The following TSPAN4 variants were observed in gnomAD, a reference collection of about 807,000 sequenced individuals.
TSPAN4 encodes the protein tetraspanin-4.
TSPAN4 carries 38 observed loss-of-function variants against 31.5 expected under a neutral mutation model. The observed-to-expected ratio is 1.21, with a 90% confidence interval of 0.93 to 1.58. TSPAN4 has a LOEUF of 1.58. TSPAN4 is among the 40% of genes most tolerant of loss of function. The probability of loss-of-function intolerance (pLI) is 0.00; values close to 1 mark genes in which losing one functional copy is unlikely to be tolerated. For synonymous variants in TSPAN4, 186 were observed against 144.6 expected, an observed-to-expected ratio of 1.29 and a Z score of -2.06; for missense variants, 330 against 317.3, an observed-to-expected ratio of 1.04 and a Z score of -0.30.
Position 866,132 on chromosome 11 carries a change from C to T in TSPAN4, c.648+131C>T, listed in dbSNP as rs533989616. 7.9e-5 allele frequency: 77 copies of T among 971,976 alleles called. No homozygotes were observed. The African/African-American group carries it at 9.2e-4, about 12-fold the overall frequency. The allele number at this position is 971,976 out of a possible 1,614,324, so 60.2% of individuals were successfully genotyped here. The stretch of plus-strand genomic sequence containing the variant: ...GGAGGCCGGGGCAAAAGCAGGAGGG[C>T]GAGTTCAGGGGGATGGGCAGGGACG... On this transcript the variant is annotated intron_variant, in intron 8 of 8. Coordinates refer to ENST00000397397, the MANE Select transcript of TSPAN4 (RefSeq NM_003271.5).
At chr11:866,384 AGCCACAGGGGTTGGGT>A (rs1848835271) in intron 8 of TSPAN4, among the ~76,000 whole-genome samples, 162 bp from the exon 9 acceptor site, 1 of 148,390 alleles carries the variant, frequency 6.7e-6, no homozygotes. Flanking sequence ...CTGTGGCTCG[AGCCACAGGGGTTGGGT>A]GGGGCGTGCA....
chr11:862,590 C>T lies in TSPAN4; in HGVS notation c.104C>T (p.Ala35Val), dbSNP rs1316600620. The part of the protein sequence containing the change: ...CGVLGVGIWL[A>V]ATQGSFATLS... ...GTGCTGGGTGTCGGCATCTGGCTGG[C>T]CGCCACACAGGGGAGCTTCGCCACG... is the stretch of plus-strand genomic sequence containing the variant. Residue 35 changes from alanine to valine, a missense_variant, in exon 4 of 9, where the codon GCC (alanine) becomes GTC (valine). Coordinates refer to ENST00000397397, the MANE Select transcript of TSPAN4 (RefSeq NM_003271.5). 6.2e-7 allele frequency: 1 copy of T among 1,611,774 alleles called. No homozygotes were observed. The highest frequency in any genetic ancestry group is 1.7e-5 in the Admixed American group (1 of 59,880).
rs527333211 is a variant in TSPAN4 at position 850,289 on chromosome 11, A to G, written c.-16A>G. 1.8e-5 allele frequency: 29 copies of G among 1,605,898 alleles called. No homozygotes were observed. In the African/African-American group the frequency reaches 2.4e-4, roughly 13 times the overall value. On this transcript the variant is annotated splice_region_variant and 5_prime_UTR_variant, in exon 3 of 9. Transcript: ENST00000397397. ...ACCTCTCCTTCATCTTCCTCCTAGA[A>G]CTGAAGCGCTGCGGCATGGCGCGCG...
rs191935435 is a variant in TSPAN4 at position 852,226 on chromosome 11, C to T, written c.63+1859C>T. 5.1e-4 allele frequency among the ~76,000 whole-genome samples: 78 copies of T among 152,264 alleles called. 1 individual carries two copies. The South Asian group carries it at 0.014, about 27-fold the overall frequency. On this transcript the variant is annotated intron_variant, in intron 3 of 8. Transcript: ENST00000397397. Reference sequence around the variant, plus strand: ...CAACCTTCCATCTCTGGGGTTCAAGCGATTCTCATGCCTCAGCTTCCCGAA... The same window carrying T: ...CAACCTTCCATCTCTGGGGTTCAAGTGATTCTCATGCCTCAGCTTCCCGAA...
chr11:865,550 TG>T lies in TSPAN4; in HGVS notation c.369del (p.Leu123PhefsTer72). 1 of 1,612,452 alleles carries T rather than the reference TG, an allele frequency of 6.2e-7. No homozygotes were observed. The highest frequency in any genetic ancestry group is 8.5e-7 in the Non-Finnish European group (1 of 1,179,866). ...GCCCAGCAAGACCTGAAGAAAGGCT[TG>T]CACCTGTACGGCACGCAGGGCAACG... is the stretch of plus-strand genomic sequence containing the variant. ...RYAQQDLKKGLHLYGTQGNVG... is the reference protein window; with the variant it reads ...RYAQQDLKKGXHLYGTQGNVG... On this transcript the variant is annotated frameshift_variant, in exon 6 of 9. Transcript: ENST00000397397. LOFTEE classifies it high-confidence loss of function.
chr11:852,554 G>T lies in TSPAN4; in HGVS notation c.63+2187G>T, dbSNP rs73403177. On this transcript the variant is annotated intron_variant, in intron 3 of 8. Transcript: ENST00000397397. ...GGTGGGGGCGGGGCAGGGGAAATAAGAATGAGTGGGGGTTTTGCCAGGAGA... is the reference window on the plus strand; with the variant it reads ...GGTGGGGGCGGGGCAGGGGAAATAATAATGAGTGGGGGTTTTGCCAGGAGA... Among the ~76,000 whole-genome samples the T allele has an allele frequency of 7.6e-3, 1,150 of 152,270 alleles. 12 individuals carry two copies. Among genetic ancestry groups the T allele is most frequent in the African/African-American group, 0.026 (1,087 of 41,562 alleles).
chr11:861,698 C>G (rs1162750921), intron 3 of TSPAN4, among the ~76,000 whole-genome samples: 1 of 149,924 alleles, frequency 6.7e-6, no homozygotes, highest in African/African-American at 2.5e-5. Flanking sequence ...GGTGACAGTG[C>G]GAGACTCGGT....
In TSPAN4 at chr11:865,575, C is replaced by A; in HGVS notation, c.393C>A (p.Asn131Lys). ...KGLHLYGTQG[N>K]VGLTNAWSII... ...TGCACCTGTACGGCACGCAGGGCAA[C>A]GTGGGCCTCACCAACGCCTGGAGCA... is the stretch of plus-strand genomic sequence containing the variant. Residue 131 changes from asparagine to lysine, a missense_variant, in exon 6 of 9, where the codon AAC becomes AAA. Physicochemically the swap from Asn to Lys is moderately conservative, Grantham distance 94. Coordinates refer to ENST00000397397, the MANE Select transcript of TSPAN4 (RefSeq NM_003271.5). 1 of 1,612,796 alleles carries A rather than the reference C, an allele frequency of 6.2e-7. No individual in the cohort carries two copies. Among genetic ancestry groups the A allele is most frequent in the Non-Finnish European group, 8.5e-7 (1 of 1,179,884 alleles).
intron 1 of TSPAN4, among the ~76,000 whole-genome samples, chr11:844,990 G>T (rs1026348381): frequency 1.3e-5 from 2 of 152,180 alleles, no homozygotes; most frequent in African/African-American, 2.4e-5. Flanking sequence ...CCCTGGCTGG[G>T]ATTCAGCTGA....
chr11:865,792 T>C lies in TSPAN4; in HGVS notation c.531T>C (p.Cys177=). ...GCTGCTTGGAGTTCAGTGAGAGCTG[T>C]GGGCTGCACGCCCCCGGCACCTGGT... ...DSCCLEFSES[C]GLHAPGTWWK... is the part of the protein sequence containing the mutation. The change falls in exon 7 of 9, where the codon TGT becomes TGC. Residue 177 remains cysteine (C), a synonymous_variant. Coordinates refer to ENST00000397397, the MANE Select transcript of TSPAN4 (RefSeq NM_003271.5). 6.2e-7 allele frequency: 1 copy of C among 1,612,596 alleles called. No individual in the cohort carries two copies. The highest frequency in any genetic ancestry group is 8.5e-7 in the Non-Finnish European group (1 of 1,179,712).
intron 3 of TSPAN4, 70 bp downstream of exon 3, chr11:850,437 T>G: frequency 7.1e-7 from 1 of 1,403,280 alleles, no homozygotes; most frequent in Non-Finnish European, 9.8e-7. Flanking sequence ...TCGCGGGGTC[T>G]GGGGAGTCGG....
chr11:853,670 G>A (rs995106044), intron 3 of TSPAN4, among the ~76,000 whole-genome samples: 2 of 152,156 alleles, frequency 1.3e-5, no homozygotes, highest in African/African-American at 4.8e-5. Context: ...ACCCGGTGGG[G>A]CCTTCAGAGT....
At chr11:846,872 G>A (rs970717975) in intron 1 of TSPAN4, among the ~76,000 whole-genome samples, 40 of 152,316 alleles carry the variant, frequency 2.6e-4, no homozygotes, top group African/African-American at 8.9e-4. Flanking sequence ...CTGCATGTCC[G>A]TGCTGTGAGT....
Position 865,506 on chromosome 11 carries a change from C to T in TSPAN4, c.331-7C>T, listed in dbSNP as rs772199648. 48 of 1,608,976 alleles carry T rather than the reference C, an allele frequency of 3.0e-5. No homozygotes were observed. The highest frequency in any genetic ancestry group is 8.0e-5 in the African/African-American group (6 of 74,786). ...AGGGGCCCTGCTGACCCCCCCCGCA[C>T]CCCCAGATTGACAGGTATGCCCAGC... On this transcript the variant is annotated splice_polypyrimidine_tract_variant and splice_region_variant and intron_variant, in intron 5 of 8. Coordinates refer to ENST00000397397, the MANE Select transcript of TSPAN4 (RefSeq NM_003271.5).
At chr11:844,514 G>A (rs1847185264) in intron 1 of TSPAN4, 1 of 152,242 alleles carries the variant, frequency 6.6e-6, no homozygotes, top group Non-Finnish European at 1.5e-5. Flanking sequence ...GGCCCCTGGG[G>A]GCCCAGGCCT....
chr11:850,442 A>T (rs1847612572), intron 3 of TSPAN4, 75 bp downstream of exon 3: 2 of 1,324,680 alleles, frequency 1.5e-6, no homozygotes, highest in Non-Finnish European at 2.1e-6. Context: ...GGGTCTGGGG[A>T]GTCGGAGTCG....
chr11:865,185 C>G (rs1296574824), intron 5 of TSPAN4: 1 of 324,922 alleles, frequency 3.1e-6, no homozygotes, highest in African/African-American at 2.1e-5. Context: ...GCTGGGTGGG[C>G]TCAGCGCTCA....
chr11:865,674 G>C lies in TSPAN4; in HGVS notation c.433-20G>C, dbSNP rs771804043. The C allele has an allele frequency of 2.5e-6, 4 of 1,612,748 alleles. No homozygotes were observed. The highest frequency in any genetic ancestry group is 2.5e-6 in the Non-Finnish European group (3 of 1,179,820). On this transcript the variant is annotated intron_variant, in intron 6 of 8. Coordinates refer to ENST00000397397, the MANE Select transcript of TSPAN4 (RefSeq NM_003271.5). The stretch of plus-strand genomic sequence containing the variant: ...GCCCCCTCCCCTCCTGCCTCAGCCC[G>C]ACCTGAGCTTGCCCCCCAGTTCCGC...
At chr11:857,635 C>A (rs1848137803) in intron 3 of TSPAN4, 1 of 152,160 alleles carries the variant, frequency 6.6e-6, no homozygotes, top group South Asian at 2.1e-4. Context: ...CATCTCCTGA[C>A]CTCGTGATCT....
Sources: allele counts gnomAD v4.1 joint callset (sites outside exome capture counted in the v4.1 genomes callset), GRCh38; gene constraint gnomAD v4.1.1; transcripts MANE v1.5; gene names NCBI Gene and HGNC (gene_info 2026-07-23, HGNC 2026-07-21).